The following GTF2IRD1 variants were observed in gnomAD, a reference collection of about 807,000 sequenced individuals.
The protein encoded by GTF2IRD1 is general transcription factor II-I repeat domain-containing protein 1.
In GTF2IRD1, 26 loss-of-function variants were observed where a neutral mutation model predicts 113.2. That is an observed-to-expected ratio of 0.23 (90% CI 0.17 to 0.32). The LOEUF is 0.32. GTF2IRD1 is among the 10% of genes least tolerant of loss of function. The pLI is 1.00. For missense variants in GTF2IRD1, 864 were observed against 1,280.8 expected (o/e 0.67, Z 4.97); for synonymous variants, 484 against 529.1 (o/e 0.91, Z 1.17).
intron 1 of GTF2IRD1, among the ~76,000 whole-genome samples, chr7:74,503,165 T>TAAA (rs1796122296): frequency 9.0e-6 from 1 of 110,582 alleles, no homozygotes. Flanking sequence ...AGACTCCATC[T>TAAA]CAAAAAAAAA....
intron 1 of GTF2IRD1, among the ~76,000 whole-genome samples, chr7:74,458,050 TA>T (rs1334541658): frequency 6.6e-6 from 1 of 151,960 alleles, no homozygotes; most frequent in Non-Finnish European, 1.5e-5. Context: ...TTTGTATTTT[TA>T]GTAGAGATGG....
At chr7:74,568,552 T>G (rs1261497794) in intron 22 of GTF2IRD1, among the ~76,000 whole-genome samples, 7 of 151,064 alleles carry the variant, frequency 4.6e-5, no homozygotes, top group East Asian at 3.9e-4. Context: ...GGAGGCTGAG[T>G]CAGGAGAATG....
At chr7:74,530,044 T>TGCAGAA in intron 9 of GTF2IRD1, 127 bp downstream of exon 9, 1 of 622,522 alleles carries the variant, frequency 1.6e-6, no homozygotes. Flanking sequence ...ACCCCGTCTC[T>TGCAGAA]ATTAACAATA....
intron 1 of GTF2IRD1, among the ~76,000 whole-genome samples, chr7:74,496,688 T>G (rs1554338163): frequency 6.6e-6 from 1 of 151,966 alleles, no homozygotes; most frequent in African/African-American, 2.4e-5. Flanking sequence ...GTGTGTTGAC[T>G]TGCTAGTGCT....
intron 1 of GTF2IRD1, among the ~76,000 whole-genome samples, chr7:74,456,400 C>CT (rs1387873445): frequency 3.9e-5 from 6 of 152,138 alleles, no homozygotes; most frequent in African/African-American, 1.4e-4. Flanking sequence ...ATCCTGTAGT[C>CT]TGGCCGGGCG....
intron 22 of GTF2IRD1, among the ~76,000 whole-genome samples, chr7:74,566,652 T>TA (rs1244878210): frequency 6.6e-6 from 1 of 152,176 alleles, no homozygotes; most frequent in Non-Finnish European, 1.5e-5. Context: ...ACGTCATACT[T>TA]ACGATTTGCC....
intron 22 of GTF2IRD1, among the ~76,000 whole-genome samples, chr7:74,579,195 C>T (rs1801261042): frequency 2.6e-5 from 4 of 152,102 alleles, no homozygotes. Flanking sequence ...GTGGTATGCA[C>T]CTGTAGGCCC....
chr7:74,601,840 G>C (rs1374216707), intron 26 of GTF2IRD1: 4 of 170,400 alleles, frequency 2.3e-5, no homozygotes, highest in African/African-American at 9.6e-5. Flanking sequence ...CTACTTGGGA[G>C]GCTGGGGCAG....
rs1487522678 is a variant in GTF2IRD1 at position 74,595,362 on chromosome 7, C to T, written c.2629+311C>T. Among the ~76,000 whole-genome samples the T allele has an allele frequency of 4.8e-4, 72 of 150,680 alleles. 1 individual carries two copies. The highest frequency in any genetic ancestry group is 4.7e-3 in the Admixed American group (71 of 15,066). ...CAGAGGTTGCGGTGAACTGAGATCGCGCCCCTGCACTCCAGCCTGGGTGAC... is the reference window on the plus strand; with the variant it reads ...CAGAGGTTGCGGTGAACTGAGATCGTGCCCCTGCACTCCAGCCTGGGTGAC... On this transcript the variant is annotated intron_variant, in intron 25 of 26. Coordinates refer to ENST00000424337, the MANE Select transcript of GTF2IRD1 (RefSeq NM_005685.4).
At chr7:74,465,475 T>C (rs376776848) in intron 1 of GTF2IRD1, among the ~76,000 whole-genome samples, 33 of 152,340 alleles carry the variant, frequency 2.2e-4, no homozygotes, top group African/African-American at 7.7e-4. Flanking sequence ...CACAGGCAAG[T>C]GACTGTACCT....
At chr7:74,505,272 G>A (rs956536663) in intron 1 of GTF2IRD1, among the ~76,000 whole-genome samples, 14 of 152,334 alleles carry the variant, frequency 9.2e-5, no homozygotes, top group African/African-American at 3.4e-4. Flanking sequence ...GCTCCTAGCA[G>A]ACGTGGGCCT....
chr7:74,564,171 T>C (rs1800150860), intron 22 of GTF2IRD1, among the ~76,000 whole-genome samples: 1 of 152,002 alleles, frequency 6.6e-6, no homozygotes, highest in African/African-American at 2.4e-5. Context: ...GAATTACAGG[T>C]GTGCACCATG....
chr7:74,564,854 C>T (rs1251224961), intron 22 of GTF2IRD1, among the ~76,000 whole-genome samples: 3 of 152,308 alleles, frequency 2.0e-5, no homozygotes, highest in Non-Finnish European at 4.4e-5. Context: ...TCTAGAGGCC[C>T]TGCCTGCTCT....
chr7:74,461,474 C>T (rs116670097), intron 1 of GTF2IRD1, among the ~76,000 whole-genome samples: 4 of 152,178 alleles, frequency 2.6e-5, no homozygotes, highest in Admixed American at 6.5e-5. Context: ...TCTGTTGTTA[C>T]GCCAGCCAGT....
chr7:74,520,165 G>A (rs192618599), intron 6 of GTF2IRD1, among the ~76,000 whole-genome samples: 4 of 146,658 alleles, frequency 2.7e-5, no homozygotes, highest in East Asian at 2.0e-4. Context: ...TCCACATCAC[G>A]TGCTATAAAG....
At chr7:74,543,775 C>G (rs1193051238) in intron 14 of GTF2IRD1, among the ~76,000 whole-genome samples, 3 of 150,774 alleles carry the variant, frequency 2.0e-5, no homozygotes, top group Admixed American at 1.3e-4. Flanking sequence ...GTGGTACATG[C>G]CTCTAGTTCC....
chr7:74,521,783 AAAAT>A (rs587623037), intron 7 of GTF2IRD1, among the ~76,000 whole-genome samples: 89 of 152,282 alleles, frequency 5.8e-4, no homozygotes, highest in African/African-American at 1.9e-3. Flanking sequence ...AACAAAAAAT[AAAAT>A]AAATAACCCC....
At chr7:74,469,018 G>C (rs1326075198) in intron 1 of GTF2IRD1, among the ~76,000 whole-genome samples, 2 of 151,626 alleles carry the variant, frequency 1.3e-5, no homozygotes, top group African/African-American at 4.8e-5. Context: ...CCGGGAGGTG[G>C]AGCTTGCAGT....
chr7:74,584,671 G>T (rs1801614324), intron 22 of GTF2IRD1, among the ~76,000 whole-genome samples: 1 of 152,168 alleles, frequency 6.6e-6, no homozygotes. Context: ...AGGGGAGCTA[G>T]GTGGCCTTCT....
Sources: allele counts gnomAD v4.1 joint callset (sites outside exome capture counted in the v4.1 genomes callset), GRCh38; gene constraint gnomAD v4.1.1; transcripts MANE v1.5; gene names NCBI Gene and HGNC (gene_info 2026-07-23, HGNC 2026-07-21).